The following VIT variants were observed in gnomAD, a reference collection of about 807,000 sequenced individuals.
VIT encodes vitrin.
Under a neutral mutation model 78.0 loss-of-function variants are expected in VIT, and 99 were observed. The observed-to-expected ratio is 1.27, with a 90% CI of 1.08 to 1.50. The LOEUF (loss-of-function observed/expected upper bound fraction) is 1.50, where lower values mean the gene tolerates loss of function less well. Ranked by LOEUF, VIT falls within the 40% of genes most tolerant of loss-of-function variation. The pLI, the probability that VIT is intolerant of heterozygous loss-of-function variation, is 0.00. For synonymous variants in VIT, 374 were observed against 334.3 expected, an observed-to-expected ratio of 1.12 and a Z score of -1.29; for missense variants, 1,126 against 875.3, an observed-to-expected ratio of 1.29 and a Z score of -3.61.
chr2:36,703,953 A>T (rs1446500255), intron 1 of VIT, among the ~76,000 whole-genome samples: 4 of 119,756 alleles, frequency 3.3e-5, no homozygotes, highest in Admixed American at 2.0e-4. Context: ...TTTTTTGGAG[A>T]CTCACTCTGT....
chr2:36,811,181 A>G (rs1471944368), intron 15 of VIT, among the ~76,000 whole-genome samples: 1 of 152,194 alleles, frequency 6.6e-6, no homozygotes, highest in African/African-American at 2.4e-5. Flanking sequence ...CACCAGGCTC[A>G]TATCAGCAGA....
At chr2:36,804,029 C>G (rs920502550) in intron 13 of VIT, among the ~76,000 whole-genome samples, 7 of 152,200 alleles carry the variant, frequency 4.6e-5, no homozygotes, top group South Asian at 2.1e-4. Flanking sequence ...AGTACTAAAA[C>G]TGGGAAAGTC....
At chr2:36,777,338 G>A (rs74606214) in intron 9 of VIT, among the ~76,000 whole-genome samples, 2,542 of 151,940 alleles carry the variant, frequency 0.017, 70 homozygotes, top group African/African-American at 0.058. Flanking sequence ...CATGAAGCTA[G>A]ACTTCATGTC....
chr2:36,794,411 T>G (rs1665719304), intron 12 of VIT, among the ~76,000 whole-genome samples: 1 of 152,242 alleles, frequency 6.6e-6, no homozygotes, highest in South Asian at 2.1e-4. Context: ...AAAAATTTAG[T>G]GGCATACCTC....
At chr2:36,811,710 T>G (rs2148689524) in intron 15 of VIT, among the ~76,000 whole-genome samples, 1 of 151,864 alleles carries the variant, frequency 6.6e-6, no homozygotes, top group Non-Finnish European at 1.5e-5. Context: ...TTCGCTCTGG[T>G]TGCCCAGGCT....
At chr2:36,736,347 T>C (rs944675334) in intron 3 of VIT, among the ~76,000 whole-genome samples, 3 of 152,248 alleles carry the variant, frequency 2.0e-5, no homozygotes, top group African/African-American at 7.2e-5. Flanking sequence ...AAAAAAGGCC[T>C]ACTCTTTAAC....
At chr2:36,779,656 T>G (rs1664607283) in intron 9 of VIT, among the ~76,000 whole-genome samples, 1 of 152,154 alleles carries the variant, frequency 6.6e-6, no homozygotes, top group Non-Finnish European at 1.5e-5. Context: ...CCCCAGTACG[T>G]GCTGTTCCCC....
intron 13 of VIT, among the ~76,000 whole-genome samples, 195 bp from the exon 14 acceptor site, chr2:36,805,243 G>A (rs548832622): frequency 8.8e-5 from 13 of 146,974 alleles, no homozygotes; most frequent in African/African-American, 3.2e-4. Context: ...GGTTGAGGCT[G>A]TAGTGAGCTG....
chr2:36,707,166 C>T (rs912837689), intron 1 of VIT, among the ~76,000 whole-genome samples: 1 of 152,092 alleles, frequency 6.6e-6, no homozygotes, highest in Non-Finnish European at 1.5e-5. Context: ...TTTTCAGCTG[C>T]CAGCCAAGTG....
intron 1 of VIT, among the ~76,000 whole-genome samples, chr2:36,709,389 T>C (rs935814073): frequency 6.6e-6 from 1 of 152,062 alleles, no homozygotes; most frequent in African/African-American, 2.4e-5. Context: ...CCTCATCGGG[T>C]TGTTGTGAAG....
chr2:36,778,609 G>A (rs935450768), intron 9 of VIT, among the ~76,000 whole-genome samples: 3 of 152,142 alleles, frequency 2.0e-5, no homozygotes, highest in African/African-American at 7.2e-5. Context: ...TGGGACTGTC[G>A]ACGCTTTGTT....
chr2:36,793,870 A>G (rs1036438498), intron 12 of VIT, among the ~76,000 whole-genome samples: 6 of 152,208 alleles, frequency 3.9e-5, no homozygotes, highest in South Asian at 2.1e-4. Flanking sequence ...GTACTTTAGG[A>G]CTGAAAGGGC....
intron 1 of VIT, among the ~76,000 whole-genome samples, chr2:36,698,263 T>A (rs1218519292): frequency 6.6e-6 from 1 of 152,236 alleles, no homozygotes; most frequent in Non-Finnish European, 1.5e-5. Flanking sequence ...AAATGCTTAA[T>A]ATCTATCCTA....
intron 13 of VIT, among the ~76,000 whole-genome samples, chr2:36,803,251 A>G (rs930350108): frequency 6.6e-6 from 1 of 152,208 alleles, no homozygotes; most frequent in African/African-American, 2.4e-5. Flanking sequence ...CAGAAATATA[A>G]ACAAAAGTAC....
intron 2 of VIT, among the ~76,000 whole-genome samples, chr2:36,718,876 A>G (rs534357738): frequency 1.3e-5 from 2 of 152,348 alleles, no homozygotes; most frequent in East Asian, 3.9e-4. Context: ...TGAAAGCACA[A>G]GGTCCTTCAT....
At chr2:36,799,964 C>T (rs1476679004) in intron 12 of VIT, among the ~76,000 whole-genome samples, 3 of 150,930 alleles carry the variant, frequency 2.0e-5, no homozygotes, top group African/African-American at 4.9e-5. Context: ...AGGAGAATCA[C>T]TTGAACCCGG....
At chr2:36,809,091 C>G (rs1294431748) in intron 15 of VIT, 106 bp downstream of exon 15, 2 of 1,421,842 alleles carry the variant, frequency 1.4e-6, no homozygotes, top group Admixed American at 2.7e-5. Context: ...GTTTTTTCTG[C>G]GACTTAATAA....
At chr2:36,721,312 A>G (rs116074145) in intron 2 of VIT, among the ~76,000 whole-genome samples, 4,465 of 152,292 alleles carry the variant, frequency 0.029, 96 homozygotes, top group Non-Finnish European at 0.041. Flanking sequence ...AAATCACTCT[A>G]TTAATGAAAA....
intron 6 of VIT, 189 bp downstream of exon 6, chr2:36,759,235 G>C: frequency 6.6e-7 from 1 of 1,519,206 alleles, no homozygotes; most frequent in South Asian, 1.3e-5. Context: ...AAGAATGAAA[G>C]CTTTATTTTT....
Sources: allele counts gnomAD v4.1 joint callset (sites outside exome capture counted in the v4.1 genomes callset), GRCh38; gene constraint gnomAD v4.1.1; transcripts MANE v1.5; gene names NCBI Gene and HGNC (gene_info 2026-07-23, HGNC 2026-07-21).